The following ITGAV variants were observed in gnomAD, a reference collection of about 807,000 sequenced individuals.
ITGAV encodes integrin alpha-V.
A neutral mutation model predicts 143.8 loss-of-function variants in ITGAV; 76 were observed. The observed-to-expected ratio is 0.53, with a 90% confidence interval of 0.44 to 0.64. ITGAV has a LOEUF of 0.64. Among genes scored for constraint, ITGAV ranks in the 30% least tolerant of loss-of-function variants. ITGAV has a pLI of 0.00. For synonymous variants in ITGAV, 453 were observed against 446.7 expected (o/e 1.01, Z -0.18); for missense variants, 1,193 against 1,274.7 (o/e 0.94, Z 0.98).
chr2:186,617,758 G>T (rs541057288), intron 2 of ITGAV, among the ~76,000 whole-genome samples: 2 of 152,178 alleles, frequency 1.3e-5, no homozygotes, highest in East Asian at 3.9e-4. Flanking sequence ...TTATTTTATT[G>T]TGTGAGATAC....
intron 2 of ITGAV, among the ~76,000 whole-genome samples, chr2:186,616,353 A>C (rs925649841): frequency 7.5e-6 from 1 of 133,014 alleles, no homozygotes; most frequent in Non-Finnish European, 1.5e-5. Flanking sequence ...ATCTCGGCTC[A>C]CTGCAAGCTC....
At chr2:186,620,048 TTC>T (rs1314611973) in intron 2 of ITGAV, among the ~76,000 whole-genome samples, 1 of 152,044 alleles carries the variant, frequency 6.6e-6, no homozygotes, top group Non-Finnish European at 1.5e-5. Flanking sequence ...TTCCTGACCA[TTC>T]TCTCTAGTTA....
At chr2:186,648,853 T>G (rs1383902269) in intron 13 of ITGAV, among the ~76,000 whole-genome samples, 2 of 151,676 alleles carry the variant, frequency 1.3e-5, no homozygotes, top group East Asian at 1.9e-4. Flanking sequence ...TAATCTAATG[T>G]ATAGTTATGA....
chr2:186,598,119 C>G (rs1204629784), intron 1 of ITGAV, among the ~76,000 whole-genome samples: 1 of 152,032 alleles, frequency 6.6e-6, no homozygotes, highest in African/African-American at 2.4e-5. Flanking sequence ...CAAGCAAGCA[C>G]TATTCAAGAT....
In ITGAV at chr2:186,659,145, C is replaced by T. The variant is rs201113283; in HGVS notation, c.1827C>T (p.Asn609=). ...ADTTGLQPIL[N]QFTPANISRQ... ...CAACAGGCTTGCAACCCATTCTTAA[C>T]CAGTTCACGCCTGCTAACATTAGTC... Residue 609 remains asparagine, a synonymous_variant, in exon 18 of 30, where the codon AAC becomes AAT. Transcript: ENST00000261023. 2.4e-5 allele frequency: 39 copies of T among 1,610,658 alleles called. No homozygotes were observed. Among genetic ancestry groups the T allele is most frequent in the African/African-American group, 6.7e-5 (5 of 74,792 alleles).
Position 186,675,700 on chromosome 2 carries a change from A to C in ITGAV, c.2803A>C (p.Thr935Pro). The change falls in exon 27 of 30, where the codon ACT becomes CCT. Residue 935 changes from threonine to proline, a missense_variant. Transcript: ENST00000261023. Reference sequence around the variant, plus strand: ...CTTGTACGTAAAGTCATTACTGTGGACTGAGACTTTTATGAATGTAAGTAG... The same window carrying C: ...CTTGTACGTAAAGTCATTACTGTGGCCTGAGACTTTTATGAATGTAAGTAG... ...AILYVKSLLW[T>P]ETFMNKENQN... The C allele has an allele frequency of 6.2e-7, 1 of 1,611,780 alleles. No individual in the cohort carries two copies. Among genetic ancestry groups the C allele is most frequent in the Non-Finnish European group, 8.5e-7 (1 of 1,177,882 alleles).
chr2:186,628,385 C>T (rs536747671), intron 4 of ITGAV, among the ~76,000 whole-genome samples: 19 of 152,114 alleles, frequency 1.2e-4, no homozygotes. Context: ...TATATGGACA[C>T]CGTGGACAAG....
intron 21 of ITGAV, 47 bp from the exon 22 acceptor site, chr2:186,666,657 C>T (rs374150169): frequency 6.4e-6 from 7 of 1,089,516 alleles, no homozygotes; most frequent in Non-Finnish European, 9.0e-6. Flanking sequence ...TGAAATTTTG[C>T]TAATTAGACA....
At chr2:186,615,745 C>T (rs568296981) in intron 2 of ITGAV, among the ~76,000 whole-genome samples, 1 of 151,686 alleles carries the variant, frequency 6.6e-6, no homozygotes, top group South Asian at 2.1e-4. Context: ...AAGTAATTTC[C>T]CCAGTTTTGA....
In ITGAV at chr2:186,669,778, G is replaced by T. The variant is rs772534997; in HGVS notation, c.2670G>T (p.Arg890=). The T allele has an allele frequency of 1.2e-6, 2 of 1,613,944 alleles. No homozygotes were observed. Among genetic ancestry groups the T allele is most frequent in the East Asian group, 2.2e-5 (1 of 44,870 alleles). ...QGERDHLITK[R]DLALSEGDIH... ...AGCGGGACCATCTCATCACTAAGCG[G>T]GATCTTGCCCTCAGTGAAGGAGATA... The change falls in exon 26 of 30, where the codon CGG becomes CGT. Residue 890 remains arginine, a synonymous_variant. Transcript: ENST00000261023.
intron 5 of ITGAV, 21 bp downstream of exon 5, chr2:186,630,879 G>A (rs570529576): frequency 4.4e-6 from 6 of 1,371,502 alleles, no homozygotes; most frequent in Admixed American, 3.4e-5. Context: ...ATTTAAGACT[G>A]AATGAGATTC....
intron 1 of ITGAV, among the ~76,000 whole-genome samples, chr2:186,601,375 C>G (rs1052571124): frequency 6.6e-6 from 1 of 151,394 alleles, no homozygotes; most frequent in Non-Finnish European, 1.5e-5. Flanking sequence ...GTAGGAGGAT[C>G]GCTTGAGCCA....
chr2:186,646,660 TC>T, intron 12 of ITGAV, 25 bp from the exon 13 acceptor site: 1 of 1,535,816 alleles, frequency 6.5e-7, no homozygotes, highest in Non-Finnish European at 8.9e-7. Flanking sequence ...TCATTCTCCT[TC>T]CCCCTCCTCT....
intron 26 of ITGAV, 154 bp downstream of exon 26, chr2:186,669,968 G>C: frequency 1.6e-6 from 1 of 617,316 alleles, no homozygotes; most frequent in Non-Finnish European, 2.8e-6. Flanking sequence ...CTTTTTCCTA[G>C]TCAGATTAAT....
intron 26 of ITGAV, among the ~76,000 whole-genome samples, chr2:186,671,528 C>G (rs2105750405): frequency 6.6e-6 from 1 of 152,236 alleles, no homozygotes. Context: ...CCCTGACCAA[C>G]CCATGTGAAA....
At chr2:186,598,338 C>G (rs1686805174) in intron 1 of ITGAV, among the ~76,000 whole-genome samples, 1 of 147,014 alleles carries the variant, frequency 6.8e-6, no homozygotes. Context: ...CAGAGTTTCA[C>G]TGTGTTAACC....
At chr2:186,655,275 G>T (rs957515375) in intron 16 of ITGAV, among the ~76,000 whole-genome samples, 1 of 152,164 alleles carries the variant, frequency 6.6e-6, no homozygotes, top group Non-Finnish European at 1.5e-5. Context: ...AAGTGGTAAG[G>T]AATAATAGTA....
At chr2:186,668,199 TA>T in intron 24 of ITGAV, among the ~76,000 whole-genome samples, 13 of 17,892 alleles carry the variant, frequency 7.3e-4, no homozygotes, top group Non-Finnish European at 1.7e-3. Flanking sequence ...TATATATATA[TA>T]TATATATATA....
At chr2:186,640,440 G>A (rs3768784) in intron 10 of ITGAV, among the ~76,000 whole-genome samples, 28,013 of 152,120 alleles carry the variant, frequency 0.18, 2,735 homozygotes, top group Non-Finnish European at 0.22. Flanking sequence ...ACATAGGGGA[G>A]CCAATTATTA....
Sources: allele counts gnomAD v4.1 joint callset (sites outside exome capture counted in the v4.1 genomes callset), GRCh38; gene constraint gnomAD v4.1.1; transcripts MANE v1.5; gene names NCBI Gene and HGNC (gene_info 2026-07-23, HGNC 2026-07-21).